HLCS: variants seen among roughly 807,000 people sequenced by gnomAD.
HLCS encodes holocarboxylase synthetase, also known as biotin--protein ligase.
Under a neutral mutation model 75.0 loss-of-function variants are expected in HLCS, and 53 were observed. The observed-to-expected ratio is 0.71, with a 90% CI of 0.57 to 0.89. HLCS has a LOEUF of 0.89. Among genes scored for constraint, HLCS ranks in the 40% least tolerant of loss-of-function variants. The pLI is 0.00. For missense variants in HLCS, 966 were observed against 1,074.0 expected, an observed-to-expected ratio of 0.90 and a Z score of 1.41; for synonymous variants, 431 against 428.6, an observed-to-expected ratio of 1.01 and a Z score of -0.07.
intron 6 of HLCS, among the ~76,000 whole-genome samples, chr21:36,867,199 G>A (rs2835511): frequency 0.29 from 44,181 of 151,994 alleles, 7,681 homozygotes; most frequent in African/African-American, 0.49. Flanking sequence ...CTCGATGGGC[G>A]TTGCAACATT....
intron 5 of HLCS, among the ~76,000 whole-genome samples, chr21:36,903,191 A>G (rs2065311860): frequency 6.6e-6 from 1 of 152,178 alleles, no homozygotes; most frequent in Admixed American, 6.5e-5. Flanking sequence ...CGGTTTTCGG[A>G]CTACAGAATA....
chr21:36,934,775 G>A (rs2066803508), intron 4 of HLCS, among the ~76,000 whole-genome samples: 1 of 152,066 alleles, frequency 6.6e-6, no homozygotes, highest in African/African-American at 2.4e-5. Context: ...AATTGAACAG[G>A]GAAAGAGGAA....
chr21:36,941,667 T>G (rs1031014343), intron 2 of HLCS, among the ~76,000 whole-genome samples: 1 of 152,074 alleles, frequency 6.6e-6, no homozygotes, highest in Non-Finnish European at 1.5e-5. Context: ...ACCAGGAGTT[T>G]GAGACCAGCC....
At chr21:36,955,898 T>C (rs1259900016) in intron 2 of HLCS, among the ~76,000 whole-genome samples, 1 of 152,196 alleles carries the variant, frequency 6.6e-6, no homozygotes, top group Non-Finnish European at 1.5e-5. Context: ...GATACACAAA[T>C]ACTTACCACT....
At chr21:36,885,626 G>A (rs1374691287) in intron 6 of HLCS, among the ~76,000 whole-genome samples, 2 of 151,962 alleles carry the variant, frequency 1.3e-5, no homozygotes, top group Non-Finnish European at 2.9e-5. Flanking sequence ...AAAAAGAATT[G>A]CACACAAAGT....
chr21:36,948,432 T>C (rs1218946228), intron 2 of HLCS: 1 of 151,328 alleles, frequency 6.6e-6, no homozygotes, highest in African/African-American at 2.4e-5. Context: ...TCACTTGATA[T>C]TATGTAAAAA....
rs143139851 is a variant in HLCS, at chr21:36,866,963, C to G, written c.1892+29897G>C. On this transcript the variant is annotated intron_variant, in intron 6 of 10. Transcript: ENST00000674895. ...GGGATGATGGAAAGGGGGCAGTTAC[C>G]CTCCCTTGTTATCACAAGTAAAATG... 3.6e-3 allele frequency among the ~76,000 whole-genome samples: 550 copies of G among 152,050 alleles called. 5 individuals are homozygous for G. The highest frequency in any genetic ancestry group is 0.012 in the African/African-American group (487 of 41,496).
Position 36,749,888 on chromosome 21 carries a change from A to G in HLCS, c.*4358T>C, listed in dbSNP as rs906820637. 6.6e-6 allele frequency: 1 copy of G among 152,230 alleles called. No individual in the cohort carries two copies. The highest frequency in any genetic ancestry group is 1.5e-5 in the Non-Finnish European group (1 of 68,034). 9.4% of individuals were successfully genotyped at this position (152,230 alleles called of 1,614,324 possible). The stretch of plus-strand genomic sequence containing the variant: ...AGTTCAATAACAAAGGTTACTGTTG[A>G]GAAAAAAGACCCTATCATAGATTTA... On this transcript the variant is annotated 3_prime_UTR_variant, in exon 11 of 11. Coordinates refer to ENST00000674895, the MANE Select transcript of HLCS (RefSeq NM_001352514.2).
At chr21:36,931,734 G>C (rs2066651215) in intron 4 of HLCS, among the ~76,000 whole-genome samples, 2 of 148,246 alleles carry the variant, frequency 1.3e-5, no homozygotes, top group Non-Finnish European at 1.5e-5. Context: ...GGGCAACAAA[G>C]TGCGACCATT....
intron 7 of HLCS, among the ~76,000 whole-genome samples, chr21:36,766,753 G>C (rs751479721): frequency 1.3e-4 from 20 of 152,190 alleles, no homozygotes; most frequent in Non-Finnish European, 2.8e-4. Context: ...TGTGGTCACT[G>C]TGTGAATGGG....
At chr21:36,930,479 C>A (rs769978684) in intron 4 of HLCS, 46 bp from the exon 5 acceptor site, 1 of 1,434,624 alleles carries the variant, frequency 7.0e-7, no homozygotes, top group South Asian at 1.2e-5. Flanking sequence ...CACTCACAGG[C>A]AATGAGAAAA....
chr21:36,799,650 C>T (rs2061136383), intron 6 of HLCS, among the ~76,000 whole-genome samples: 1 of 152,134 alleles, frequency 6.6e-6, no homozygotes, highest in Non-Finnish European at 1.5e-5. Flanking sequence ...CTGAACACCC[C>T]ACCTGCATGC....
chr21:36,938,909 T>G lies in HLCS; in HGVS notation c.416A>C (p.Asn139Thr). The G allele has an allele frequency of 1.2e-6, 2 of 1,613,990 alleles. No individual in the cohort carries two copies. Among genetic ancestry groups the G allele is most frequent in the Middle Eastern group, 1.6e-4 (1 of 6,062 alleles). The change falls in exon 3 of 11, where the codon AAC becomes ACC. Residue 139 changes from asparagine to threonine, a missense_variant. By Grantham distance (65) the Asn-to-Thr change is moderately conservative (BLOSUM62 0). Transcript: ENST00000674895. ...YRLIAEASVD[N>T]FSKLGVAFME... ...GAACGCCACCCCCAGCTTGCTGAAGTTGTCCACACTTGCTTCAGCAATTAG... is the reference window on the plus strand; with the variant it reads ...GAACGCCACCCCCAGCTTGCTGAAGGTGTCCACACTTGCTTCAGCAATTAG...
intron 6 of HLCS, among the ~76,000 whole-genome samples, chr21:36,882,709 C>T (rs1013449799): frequency 1.3e-5 from 2 of 151,592 alleles, no homozygotes; most frequent in African/African-American, 4.8e-5. Context: ...GATCCACCCA[C>T]CTCGGCCTCC....
chr21:36,768,907 G>A (rs996543040), intron 6 of HLCS, among the ~76,000 whole-genome samples: 1 of 152,126 alleles, frequency 6.6e-6, no homozygotes, highest in Non-Finnish European at 1.5e-5. Flanking sequence ...TTTCTAGAGG[G>A]TCCAGCAACC....
intron 6 of HLCS, among the ~76,000 whole-genome samples, chr21:36,828,499 T>C (rs1213397211): frequency 6.6e-6 from 1 of 152,212 alleles, no homozygotes; most frequent in Non-Finnish European, 1.5e-5. Context: ...TCCTTTATTC[T>C]TCCTTTTTTC....
chr21:36,870,029 C>A (rs2063716397), intron 6 of HLCS, among the ~76,000 whole-genome samples: 1 of 152,188 alleles, frequency 6.6e-6, no homozygotes, highest in Non-Finnish European at 1.5e-5. Context: ...TGCAAAGAAT[C>A]TGAGAAGTTG....
chr21:36,837,731 T>C (rs192493682), intron 6 of HLCS, among the ~76,000 whole-genome samples: 3 of 152,252 alleles, frequency 2.0e-5, no homozygotes, highest in African/African-American at 4.8e-5. Context: ...TTAGGGAAAT[T>C]TGCAAGTCGG....
At chr21:36,942,547 C>A (rs2067197722) in intron 2 of HLCS, among the ~76,000 whole-genome samples, 1 of 151,896 alleles carries the variant, frequency 6.6e-6, no homozygotes, top group Non-Finnish European at 1.5e-5. Flanking sequence ...AAAACACAGG[C>A]ATAAATTGTC....
Sources: allele counts gnomAD v4.1 joint callset (sites outside exome capture counted in the v4.1 genomes callset), GRCh38; gene constraint gnomAD v4.1.1; transcripts MANE v1.5; gene names NCBI Gene and HGNC (gene_info 2026-07-23, HGNC 2026-07-21).